The following DOCK1 variants were observed in gnomAD, a reference collection of about 807,000 sequenced individuals.
DOCK1 encodes dedicator of cytokinesis protein 1.
DOCK1 carries 138 observed loss-of-function variants against 262.7 expected under a neutral mutation model. The ratio of observed to expected loss-of-function variants is 0.53; its 90% CI spans 0.46 to 0.61. The LOEUF is 0.61. Ranked by LOEUF, DOCK1 falls within the 20% of genes least tolerant of loss-of-function variation. DOCK1 has a pLI of 0.00. For synonymous variants in DOCK1, 866 were observed against 867.4 expected (o/e 1.00, Z 0.03); for missense variants, 1,908 against 2,370.7 (o/e 0.80, Z 4.05).
intron 27 of DOCK1, among the ~76,000 whole-genome samples, chr10:127,205,611 C>G (rs2057682479): frequency 6.6e-6 from 1 of 152,198 alleles, no homozygotes. Context: ...TACGTTAGGC[C>G]TGTGTAAAGT....
At chr10:127,221,020 C>T (rs576146436) in intron 27 of DOCK1, among the ~76,000 whole-genome samples, 41 of 152,212 alleles carry the variant, frequency 2.7e-4, no homozygotes, top group African/African-American at 9.9e-4. Flanking sequence ...CTAAGAGTCA[C>T]GGTATTTGTT....
intron 25 of DOCK1, among the ~76,000 whole-genome samples, chr10:127,117,178 G>T (rs916088008): frequency 6.6e-6 from 1 of 152,054 alleles, no homozygotes; most frequent in Admixed American, 6.6e-5. Flanking sequence ...AATATCTTCC[G>T]TGTGCTCAGA....
At chr10:127,381,505 A>T (rs2065822438) in intron 37 of DOCK1, 137 bp downstream of exon 37, 1 of 653,284 alleles carries the variant, frequency 1.5e-6, no homozygotes, top group Admixed American at 3.6e-5. Flanking sequence ...AAATGCAAGG[A>T]TATGAACAAA....
intron 27 of DOCK1, among the ~76,000 whole-genome samples, chr10:127,231,677 A>G (rs958152033): frequency 3.3e-5 from 5 of 152,184 alleles, no homozygotes; most frequent in African/African-American, 1.2e-4. Context: ...TCAGAAGCAC[A>G]TTCACTCATT....
At chr10:127,177,726 G>GA (rs2055309793) in intron 27 of DOCK1, among the ~76,000 whole-genome samples, 2 of 152,234 alleles carry the variant, frequency 1.3e-5, no homozygotes, top group African/African-American at 4.8e-5. Flanking sequence ...GCACTCATTG[G>GA]AAAATGCCAC....
chr10:126,941,479 G>A (rs925686149), intron 1 of DOCK1, among the ~76,000 whole-genome samples: 331 of 152,310 alleles, frequency 2.2e-3, no homozygotes, highest in Non-Finnish European at 3.6e-3. Flanking sequence ...TCTGTGGGCC[G>A]GGCACAGTGG....
chr10:126,947,429 AGTATTACTGTTGGTGGTGGTGGTGGTG>A (rs2035553132), intron 1 of DOCK1, among the ~76,000 whole-genome samples: 5 of 139,894 alleles, frequency 3.6e-5, no homozygotes, highest in South Asian at 2.4e-4. Flanking sequence ...GGTGGTTGGT[AGTATTACTGTTGGTGGTGGTGGTGGTG>A]GTTGGTAGTA....
rs149351828 is a variant in DOCK1 at position 127,035,248 on chromosome 10, C to T, written c.1913-2471C>T. On this transcript the variant is annotated intron_variant, in intron 18 of 51. Coordinates refer to ENST00000623213, the MANE Select transcript of DOCK1 (RefSeq NM_001290223.2). The stretch of plus-strand genomic sequence containing the variant: ...TGCGAAGTTCCATTACTTAGGGAAA[C>T]GCAGTGGCTGAATTATTCATTGAGG... Among the ~76,000 whole-genome samples the T allele has an allele frequency of 2.0e-4, 31 of 152,320 alleles. No homozygotes were observed. The East Asian group carries it at 5.2e-3, about 26-fold the overall frequency.
At position 127,365,249 on chromosome 10, in the gene DOCK1, T is replaced by A. The variant is rs114423173; in HGVS notation, c.3432+3037T>A. On this transcript the variant is annotated intron_variant, in intron 33 of 51. Coordinates refer to ENST00000623213, the MANE Select transcript of DOCK1 (RefSeq NM_001290223.2). ...AACACATTCATGCATATAGCTTGAA[T>A]TTATTTTGAAAATTTTCCCAGTATA... Among the ~76,000 whole-genome samples, 772 of 152,372 alleles carry A rather than the reference T, an allele frequency of 5.1e-3. 4 individuals are homozygous for A. The highest frequency in any genetic ancestry group is 0.018 in the African/African-American group (739 of 41,594).
chr10:126,993,822 C>T (rs1228864933), intron 6 of DOCK1, among the ~76,000 whole-genome samples: 1 of 152,202 alleles, frequency 6.6e-6, no homozygotes, highest in Non-Finnish European at 1.5e-5. Context: ...CCCAGTGGTA[C>T]AGTGCTTGAG....
At chr10:127,214,544 A>G (rs1298303743) in intron 27 of DOCK1, among the ~76,000 whole-genome samples, 1 of 152,080 alleles carries the variant, frequency 6.6e-6, no homozygotes, top group Non-Finnish European at 1.5e-5. Context: ...GCTGAATAAT[A>G]CTCCTGTTGT....
chr10:126,927,390 G>A (rs2033823658), intron 1 of DOCK1, among the ~76,000 whole-genome samples: 1 of 152,150 alleles, frequency 6.6e-6, no homozygotes, highest in East Asian at 1.9e-4. Context: ...TAGAGGCCGA[G>A]CTGATGATCT....
In DOCK1 at chr10:126,999,586, C is replaced by T. The variant is rs1346347102; in HGVS notation, c.849+151C>T. Among the ~76,000 whole-genome samples the T allele has an allele frequency of 2.0e-5, 3 of 152,166 alleles. No individual in the cohort carries two copies. In the East Asian group the frequency reaches 5.8e-4, roughly 29 times the overall value. ...TAGTATTACTAAGTAGAGCGCATTT[C>T]CAGAAATCATCTGAGTCTCTAGCCA... On this transcript the variant is annotated intron_variant, in intron 9 of 51. Coordinates refer to ENST00000623213, the MANE Select transcript of DOCK1 (RefSeq NM_001290223.2).
chr10:127,238,434 C>A (rs115593916), intron 27 of DOCK1, among the ~76,000 whole-genome samples: 2,318 of 152,284 alleles, frequency 0.015, 29 homozygotes, highest in African/African-American at 0.042. Context: ...GAGGAGCCTC[C>A]TCTGGACCAA....
chr10:127,053,957 T>C (rs139654528), intron 22 of DOCK1, among the ~76,000 whole-genome samples: 90 of 152,348 alleles, frequency 5.9e-4, no homozygotes, highest in African/African-American at 2.0e-3. Flanking sequence ...TACGTTGTTA[T>C]TGTTCTTGTT....
At chr10:127,072,879 CATTT>C in intron 23 of DOCK1, among the ~76,000 whole-genome samples, 1 of 152,186 alleles carries the variant, frequency 6.6e-6, no homozygotes, top group Non-Finnish European at 1.5e-5. Context: ...TTGATGGAAA[CATTT>C]ATATCCCACA....
intron 43 of DOCK1, among the ~76,000 whole-genome samples, chr10:127,413,195 CAAG>C (rs1161217128): frequency 1.3e-5 from 2 of 152,174 alleles, no homozygotes; most frequent in Non-Finnish European, 2.9e-5. Flanking sequence ...GAAATAGACA[CAAG>C]GAGGTCAAGT....
rs948181398 is a variant in DOCK1, at chr10:127,100,930, G to A, written c.2446-5301G>A. Among the ~76,000 whole-genome samples, 1 of 152,112 alleles carries A rather than the reference G, an allele frequency of 6.6e-6. No individual in the cohort carries two copies. Among genetic ancestry groups the A allele is most frequent in the Admixed American group, 6.5e-5 (1 of 15,280 alleles). ...GTCCGATGGAGCAGAGGCTCGCAGGGCCTGGGGCTGCTTTTCCGGGTGAGA... is the reference window on the plus strand; with the variant it reads ...GTCCGATGGAGCAGAGGCTCGCAGGACCTGGGGCTGCTTTTCCGGGTGAGA... On this transcript the variant is annotated intron_variant, in intron 23 of 51. Transcript: ENST00000623213. The surrounding 1 kb of genome is among the most constrained non-coding windows in gnomAD (Gnocchi z 5.5).
chr10:127,339,602 A>T (rs1206591465), intron 30 of DOCK1, among the ~76,000 whole-genome samples: 7 of 141,338 alleles, frequency 5.0e-5, no homozygotes, highest in African/African-American at 9.0e-5. Flanking sequence ...GCAGTGTGTG[A>T]GAGAGAGAGA....
Sources: gnomAD v4.1 joint callset for allele counts (sites outside exome capture counted in the v4.1 genomes callset) on GRCh38, gnomAD v4.1.1 for gene constraint, Gnocchi (gnomAD v3.1) non-coding constraint, MANE v1.5 for transcripts, NCBI Gene and HGNC (gene_info 2026-07-23, HGNC 2026-07-21) for gene names.